The following CSMD1 variants were observed in gnomAD, a reference collection of about 807,000 sequenced individuals.
The protein encoded by CSMD1 is CUB and Sushi multiple domains 1, also known as CUB and sushi domain-containing protein 1.
Under a neutral mutation model 417.5 loss-of-function variants are expected in CSMD1, and 213 were observed. The ratio of observed to expected loss-of-function variants is 0.51; its 90% CI spans 0.46 to 0.57. The LOEUF is 0.57. CSMD1 is among the 20% of genes least tolerant of loss of function. CSMD1 has a pLI of 0.00. For missense variants in CSMD1, 6,923 were observed against 4,529.7 expected, an observed-to-expected ratio of 1.53 and a Z score of -15.17; for synonymous variants, 2,862 against 1,736.8, an observed-to-expected ratio of 1.65 and a Z score of -16.11.
At chr8:3,242,253 G>T (rs566222032) in intron 26 of CSMD1, among the ~76,000 whole-genome samples, 11 of 151,636 alleles carry the variant, frequency 7.3e-5, no homozygotes, top group Admixed American at 6.6e-4. Flanking sequence ...GTGGAGGAAC[G>T]GAGGCTGAGG....
chr8:4,973,765 G>A (rs1024248536), intron 1 of CSMD1, among the ~76,000 whole-genome samples: 1 of 152,088 alleles, frequency 6.6e-6, no homozygotes, highest in Admixed American at 6.6e-5. Context: ...TTCACCCAAA[G>A]ATGTAAAAGG....
intron 10 of CSMD1, among the ~76,000 whole-genome samples, chr8:3,537,303 C>G (rs113169744): frequency 5.3e-5 from 8 of 152,272 alleles, no homozygotes; most frequent in South Asian, 2.1e-4. Flanking sequence ...ATGCCCGGCC[C>G]GCAAACTCTT....
chr8:4,001,758 A>G (rs770524241), intron 4 of CSMD1, among the ~76,000 whole-genome samples: 50 of 152,206 alleles, frequency 3.3e-4, no homozygotes, highest in Admixed American at 3.3e-4. Context: ...GAATCCAGGT[A>G]AGACCAGAGC....
At chr8:4,468,120 A>G (rs528931763) in intron 2 of CSMD1, among the ~76,000 whole-genome samples, 5 of 152,202 alleles carry the variant, frequency 3.3e-5, no homozygotes, top group African/African-American at 1.2e-4. Flanking sequence ...AAATTCAGAT[A>G]TAACTTTTTG....
chr8:3,914,309 A>C (rs1808657415), intron 5 of CSMD1, among the ~76,000 whole-genome samples: 1 of 151,888 alleles, frequency 6.6e-6, no homozygotes, highest in Admixed American at 6.5e-5. Context: ...ATGGTTTTTA[A>C]GAACGAGGAA....
At chr8:2,967,504 G>C (rs570698531) in intron 57 of CSMD1, among the ~76,000 whole-genome samples, 1 of 151,348 alleles carries the variant, frequency 6.6e-6, no homozygotes, top group East Asian at 2.0e-4. Context: ...CGCTGGGTAC[G>C]TTTCAGGGTG....
chr8:4,714,538 G>C (rs905384477), intron 1 of CSMD1, among the ~76,000 whole-genome samples: 1 of 152,132 alleles, frequency 6.6e-6, no homozygotes, highest in Non-Finnish European at 1.5e-5. Flanking sequence ...ATAACAGATA[G>C]AGAAGGCCCA....
intron 9 of CSMD1, among the ~76,000 whole-genome samples, chr8:3,580,958 C>A (rs896868003): frequency 6.6e-6 from 1 of 152,164 alleles, no homozygotes; most frequent in African/African-American, 2.4e-5. Context: ...GAAATTCCAA[C>A]GCAATAATAA....
chr8:4,836,789 C>T (rs1800520217), intron 1 of CSMD1, among the ~76,000 whole-genome samples: 1 of 151,786 alleles, frequency 6.6e-6, no homozygotes, highest in Admixed American at 6.6e-5. Flanking sequence ...TGTGTGGACA[C>T]ACTGATGTAA....
intron 6 of CSMD1, among the ~76,000 whole-genome samples, chr8:3,729,879 T>G (rs1431438107): frequency 7.5e-6 from 1 of 132,770 alleles, no homozygotes; most frequent in Non-Finnish European, 1.5e-5. Flanking sequence ...AACATCACAC[T>G]GTACTCCCCA....
chr8:3,193,424 C>T (rs1796529836), intron 33 of CSMD1, among the ~76,000 whole-genome samples: 1 of 152,200 alleles, frequency 6.6e-6, no homozygotes, highest in Admixed American at 6.5e-5. Context: ...CAGGGAGAAG[C>T]TGTGGAATTG....
At chr8:3,512,980 G>A (rs548900286) in intron 10 of CSMD1, among the ~76,000 whole-genome samples, 4 of 152,066 alleles carry the variant, frequency 2.6e-5, no homozygotes, top group East Asian at 3.9e-4. Flanking sequence ...AGAAGTCTCC[G>A]TCCCTATGAA....
intron 3 of CSMD1, among the ~76,000 whole-genome samples, chr8:4,277,043 CCAT>C (rs1400246094): frequency 6.6e-6 from 1 of 152,168 alleles, no homozygotes; most frequent in African/African-American, 2.4e-5. Flanking sequence ...TACCAGGATG[CCAT>C]CAGACTATCC....
chr8:3,539,772 A>AAC (rs1798360470), intron 10 of CSMD1, among the ~76,000 whole-genome samples: 1 of 151,894 alleles, frequency 6.6e-6, no homozygotes, highest in South Asian at 2.1e-4. Flanking sequence ...ATAAAAAAAA[A>AAC]AAAAAACACA....
intron 10 of CSMD1, among the ~76,000 whole-genome samples, chr8:3,555,307 C>A (rs757765036): frequency 2.6e-5 from 4 of 151,996 alleles, no homozygotes; most frequent in Non-Finnish European, 5.9e-5. Flanking sequence ...TACTGAGGCT[C>A]ACAGAGGTTT....
intron 3 of CSMD1, among the ~76,000 whole-genome samples, chr8:4,130,647 C>T (rs1803043038): frequency 6.6e-6 from 1 of 152,066 alleles, no homozygotes; most frequent in African/African-American, 2.4e-5. Flanking sequence ...GAACTTGTGA[C>T]TTTGAAGTAA....
At chr8:3,606,577 G>C (rs965876851) in intron 8 of CSMD1, among the ~76,000 whole-genome samples, 10 of 152,072 alleles carry the variant, frequency 6.6e-5, no homozygotes, top group African/African-American at 1.9e-4. Context: ...GTGAATGTGA[G>C]GGCCTAGGAC....
chr8:4,431,512 T>G (rs1045114076), intron 2 of CSMD1, among the ~76,000 whole-genome samples: 6 of 152,052 alleles, frequency 3.9e-5, no homozygotes, highest in Non-Finnish European at 7.4e-5. Flanking sequence ...CAATTGCTAC[T>G]CAGTTACACT....
At chr8:3,204,661 T>C (rs570771362) in intron 31 of CSMD1, among the ~76,000 whole-genome samples, 3 of 152,320 alleles carry the variant, frequency 2.0e-5, no homozygotes, top group Non-Finnish European at 2.9e-5. Context: ...AATATCTTTC[T>C]TGTCACATGT....
Sources: allele counts gnomAD v4.1 joint callset (sites outside exome capture counted in the v4.1 genomes callset), GRCh38; gene constraint gnomAD v4.1.1; transcripts MANE v1.5; gene names NCBI Gene and HGNC (gene_info 2026-07-23, HGNC 2026-07-21).